Variants in MYLK observed in about 807,000 individuals in gnomAD.
MYLK encodes myosin light chain kinase.
MYLK carries 106 observed loss-of-function variants against 203.4 expected under a neutral mutation model. The observed-to-expected ratio is 0.52, with a 90% CI of 0.45 to 0.61. The LOEUF (loss-of-function observed/expected upper bound fraction) is 0.61, where lower values mean the gene tolerates loss of function less well. Ranked by LOEUF, MYLK falls within the 20% of genes least tolerant of loss-of-function variation. MYLK has a pLI of 0.00. For synonymous variants in MYLK, 867 were observed against 959.5 expected (o/e 0.90, Z 1.78); for missense variants, 2,072 against 2,442.3 (o/e 0.85, Z 3.20).
intron 3 of MYLK, among the ~76,000 whole-genome samples, chr3:123,827,268 AG>A (rs1441563247): frequency 6.6e-6 from 1 of 152,204 alleles, no homozygotes; most frequent in East Asian, 1.9e-4. Context: ...CCTAAGTCTT[AG>A]GGGAGAGATG....
intron 29 of MYLK, among the ~76,000 whole-genome samples, chr3:123,632,350 AG>A (rs1414931901): frequency 6.6e-6 from 1 of 152,090 alleles, no homozygotes; most frequent in Non-Finnish European, 1.5e-5. Flanking sequence ...GGAAACAGAG[AG>A]GGGGGAAGTC....
At chr3:123,735,564 T>G (rs985753265) in intron 8 of MYLK, 148 bp from the exon 9 acceptor site, 6 of 826,722 alleles carry the variant, frequency 7.3e-6, no homozygotes, top group Non-Finnish European at 1.2e-5. Context: ...GCCTTTGAAC[T>G]CCCCCCAGCC....
intron 23 of MYLK, among the ~76,000 whole-genome samples, chr3:123,663,378 C>T (rs1237931514): frequency 1.3e-5 from 2 of 151,936 alleles, no homozygotes; most frequent in Non-Finnish European, 2.9e-5. Context: ...CTCAGAAGAA[C>T]AGTCCCTGCA....
rs1359984169 is a variant in MYLK at position 123,787,607 on chromosome 3, T to C, written c.165+6070A>G. ...TGAGACATGTGAAGGGGCAGTGTCA[T>C]GCGGCAGGAAGAACATGAGACTTAG... On this transcript the variant is annotated intron_variant, in intron 4 of 33. Coordinates refer to ENST00000360304, the MANE Select transcript of MYLK (RefSeq NM_053025.4). 2.0e-5 allele frequency among the ~76,000 whole-genome samples: 3 copies of C among 152,152 alleles called. No individual in the cohort carries two copies. In the South Asian group the frequency reaches 6.2e-4, roughly 32 times the overall value.
At chr3:123,802,090 A>T (rs779077625) in intron 3 of MYLK, among the ~76,000 whole-genome samples, 32 of 152,128 alleles carry the variant, frequency 2.1e-4, no homozygotes, top group Non-Finnish European at 3.4e-4. Context: ...CCTTGCCAAC[A>T]TTTGTTATTT....
intron 3 of MYLK, among the ~76,000 whole-genome samples, chr3:123,815,676 T>C (rs2065725078): frequency 6.6e-6 from 1 of 152,124 alleles, no homozygotes; most frequent in South Asian, 2.1e-4. Flanking sequence ...ATCCATCACA[T>C]CGTGCCCACC....
At position 123,674,837 on chromosome 3, in the gene MYLK, C is replaced by T. The variant is rs57451167; in HGVS notation, c.3652+7387G>A. On this transcript the variant is annotated intron_variant, in intron 20 of 33. Coordinates refer to ENST00000360304, the MANE Select transcript of MYLK (RefSeq NM_053025.4). ...CAGCTCATGCACCACTAATGCCCCA[C>T]GGGGTTCATGGCCCTCTGAGGTAGC... Among the ~76,000 whole-genome samples, 4,070 of 152,318 alleles carry T rather than the reference C, an allele frequency of 0.027. 363 individuals carry two copies. In the East Asian group the frequency reaches 0.34, roughly 13 times the overall value.
intron 3 of MYLK, among the ~76,000 whole-genome samples, chr3:123,819,431 GA>G (rs2065849523): frequency 6.6e-6 from 1 of 152,178 alleles, no homozygotes; most frequent in African/African-American, 2.4e-5. Flanking sequence ...ATGATGTTCT[GA>G]TTACTGTTAC....
intron 4 of MYLK, among the ~76,000 whole-genome samples, chr3:123,755,423 A>C (rs2063331063): frequency 6.6e-6 from 1 of 152,210 alleles, no homozygotes. Flanking sequence ...CCCTCTTAAA[A>C]TAAATATTTA....
At chr3:123,801,277 A>C (rs1235084292) in intron 3 of MYLK, among the ~76,000 whole-genome samples, 1 of 152,240 alleles carries the variant, frequency 6.6e-6, no homozygotes, top group Non-Finnish European at 1.5e-5. Flanking sequence ...AGGGACATCC[A>C]GGGCACATTT....
At chr3:123,682,130 T>C (rs748167505) in intron 20 of MYLK, 94 bp downstream of exon 20, 89 of 944,618 alleles carry the variant, frequency 9.4e-5, no homozygotes, top group Middle Eastern at 2.3e-4. Flanking sequence ...CAAGAGTGAG[T>C]GACCAGAAAG....
intron 13 of MYLK, among the ~76,000 whole-genome samples, chr3:123,715,586 C>T (rs939661921): frequency 2.6e-5 from 4 of 152,186 alleles, no homozygotes; most frequent in African/African-American, 9.7e-5. Flanking sequence ...AGTTTGCTAC[C>T]TCTTGCACTA....
chr3:123,835,528 C>T (rs1025900123), intron 2 of MYLK, among the ~76,000 whole-genome samples: 2 of 152,130 alleles, frequency 1.3e-5, no homozygotes, highest in Non-Finnish European at 2.9e-5. Context: ...ATTAACCATC[C>T]TAGGAAGATT....
chr3:123,636,490 T>A (rs533230217), intron 29 of MYLK, among the ~76,000 whole-genome samples: 1 of 152,364 alleles, frequency 6.6e-6, no homozygotes, highest in South Asian at 2.1e-4. Flanking sequence ...AGGGGGACCC[T>A]GGGACCAAGC....
Position 123,770,372 on chromosome 3 carries a change from T to C in MYLK, c.166-17834A>G, listed in dbSNP as rs145473625. 2.0e-3 allele frequency among the ~76,000 whole-genome samples: 306 copies of C among 152,290 alleles called. 1 individual carries two copies. Among genetic ancestry groups the C allele is most frequent in the African/African-American group, 7.0e-3 (291 of 41,554 alleles). On this transcript the variant is annotated intron_variant, in intron 4 of 33. Coordinates refer to ENST00000360304, the MANE Select transcript of MYLK (RefSeq NM_053025.4). ...CGAATCAAGATATATTAGGAGAGAA[T>C]AAGTCTTGTGAAGGTTCTAAATCAT...
chr3:123,620,109 TAAAAAA>T, intron 32 of MYLK, 92 bp downstream of exon 32: 1 of 876,452 alleles, frequency 1.1e-6, no homozygotes, highest in Non-Finnish European at 1.8e-6. Context: ...AATATTAAAA[TAAAAAA>T]AAAAAGAACA....
chr3:123,758,113 A>G (rs1349824617), intron 4 of MYLK, among the ~76,000 whole-genome samples: 3 of 152,130 alleles, frequency 2.0e-5, no homozygotes, highest in Admixed American at 1.3e-4. Flanking sequence ...GAAAATGTCT[A>G]TAAAACTTAC....
intron 4 of MYLK, among the ~76,000 whole-genome samples, chr3:123,762,924 T>C (rs1490532469): frequency 1.3e-5 from 2 of 152,344 alleles, no homozygotes; most frequent in African/African-American, 2.4e-5. Context: ...TGGTATTTTG[T>C]TATAGCAGCA....
intron 3 of MYLK, among the ~76,000 whole-genome samples, chr3:123,826,257 C>G (rs1173280402): frequency 6.6e-6 from 1 of 152,180 alleles, no homozygotes; most frequent in Admixed American, 6.5e-5. Flanking sequence ...TGTGGGCCAC[C>G]TCTGGCAGGC....
Sources: allele counts gnomAD v4.1 joint callset (sites outside exome capture counted in the v4.1 genomes callset), GRCh38; gene constraint gnomAD v4.1.1; transcripts MANE v1.5; gene names NCBI Gene and HGNC (gene_info 2026-07-23, HGNC 2026-07-21).